Variants in ANTXR1 observed in about 807,000 individuals in gnomAD.
ANTXR1 encodes the protein anthrax toxin receptor 1.
ANTXR1 carries 19 observed loss-of-function variants against 78.1 expected under a neutral mutation model. The observed-to-expected ratio is 0.24, with a 90% CI of 0.17 to 0.36. The LOEUF (loss-of-function observed/expected upper bound fraction) is 0.36, where lower values mean the gene tolerates loss of function less well. Ranked by LOEUF, ANTXR1 falls within the 10% of genes least tolerant of loss-of-function variation. ANTXR1 has a pLI of 1.00. For synonymous variants in ANTXR1, 273 were observed against 260.5 expected, an observed-to-expected ratio of 1.05 and a Z score of -0.46; for missense variants, 518 against 718.6, an observed-to-expected ratio of 0.72 and a Z score of 3.19.
intron 14 of ANTXR1, among the ~76,000 whole-genome samples, chr2:69,176,077 A>AC (rs946218046): frequency 1.3e-4 from 19 of 147,322 alleles, no homozygotes; most frequent in African/African-American, 3.8e-4. Context: ...ATACACAGAC[A>AC]CCCCCCCACA....
chr2:69,243,210 C>G (rs1446969937), intron 17 of ANTXR1, among the ~76,000 whole-genome samples: 4 of 152,158 alleles, frequency 2.6e-5, no homozygotes, highest in Non-Finnish European at 5.9e-5. Flanking sequence ...GGTTTCCCAC[C>G]CCCTACTTTT....
intron 12 of ANTXR1, among the ~76,000 whole-genome samples, chr2:69,142,143 C>T (rs572714230): frequency 1.3e-5 from 2 of 152,180 alleles, no homozygotes; most frequent in Non-Finnish European, 2.9e-5. Flanking sequence ...CTTTTCCTGC[C>T]TCCAAAGCCC....
At chr2:69,054,803 A>G (rs374047006) in intron 3 of ANTXR1, among the ~76,000 whole-genome samples, 1 of 152,308 alleles carries the variant, frequency 6.6e-6, no homozygotes, top group African/African-American at 2.4e-5. Context: ...GAGTCTTAAG[A>G]TATTTAGTGC....
chr2:69,124,714 ATCT>A, intron 12 of ANTXR1, 71 bp downstream of exon 12: 1 of 1,550,874 alleles, frequency 6.4e-7, no homozygotes, highest in South Asian at 1.1e-5. Flanking sequence ...TTAAGCAGTA[ATCT>A]TCTCCAAAGG....
At chr2:69,048,336 T>C (rs1327720818) in intron 3 of ANTXR1, among the ~76,000 whole-genome samples, 2 of 152,212 alleles carry the variant, frequency 1.3e-5, no homozygotes, top group African/African-American at 4.8e-5. Flanking sequence ...TGGATCATTC[T>C]AGTATTTCTG....
At chr2:69,097,569 T>C (rs1467399396) in intron 9 of ANTXR1, among the ~76,000 whole-genome samples, 1 of 152,266 alleles carries the variant, frequency 6.6e-6, no homozygotes, top group Admixed American at 6.5e-5. Context: ...AATGGATTGC[T>C]TCATTCTCTG....
At chr2:69,214,466 A>T (rs1408379464) in intron 17 of ANTXR1, among the ~76,000 whole-genome samples, 2 of 152,176 alleles carry the variant, frequency 1.3e-5, no homozygotes, top group African/African-American at 4.8e-5. Context: ...CCACCCTCAA[A>T]AACAAACTCC....
chr2:69,116,102 C>CT (rs753925719), intron 10 of ANTXR1, among the ~76,000 whole-genome samples: 1 of 152,230 alleles, frequency 6.6e-6, no homozygotes, highest in Non-Finnish European at 1.5e-5. Context: ...TTCAAAATCT[C>CT]TTTTTCTAGA....
chr2:69,235,256 C>T (rs944066218), intron 17 of ANTXR1, among the ~76,000 whole-genome samples: 13 of 152,032 alleles, frequency 8.6e-5, no homozygotes, highest in African/African-American at 2.7e-4. Flanking sequence ...CTCCCGACTT[C>T]AGGTAATCTG....
chr2:69,236,345 T>C (rs1675764332), intron 17 of ANTXR1, among the ~76,000 whole-genome samples: 1 of 152,184 alleles, frequency 6.6e-6, no homozygotes, highest in South Asian at 2.1e-4. Context: ...TATATATGTA[T>C]ATGTATACAC....
chr2:69,075,205 C>A (rs1299625831), intron 6 of ANTXR1, among the ~76,000 whole-genome samples: 2 of 152,104 alleles, frequency 1.3e-5, no homozygotes, highest in African/African-American at 4.8e-5. Flanking sequence ...ATATCAAGTT[C>A]CAAAGGCCCC....
In ANTXR1 at chr2:69,245,784, G is replaced by T; in HGVS notation, c.*299G>T. 3.0e-6 allele frequency: 1 copy of T among 338,130 alleles called. No homozygotes were observed. The highest frequency in any genetic ancestry group is 5.4e-6 in the Non-Finnish European group (1 of 185,856). 20.9% of individuals were successfully genotyped at this position (338,130 alleles called of 1,614,324 possible). On this transcript the variant is annotated 3_prime_UTR_variant, in exon 18 of 18. Transcript: ENST00000303714. ...GCTCTCAACAGGATTATGTCTCATG[G>T]AGACCAGTAAGAAAATCATTTATCT...
intron 3 of ANTXR1, among the ~76,000 whole-genome samples, chr2:69,052,809 T>A (rs920404747): frequency 1.3e-5 from 2 of 152,168 alleles, no homozygotes; most frequent in African/African-American, 4.8e-5. Flanking sequence ...TCTGAGAGAA[T>A]GTTTCATTCA....
chr2:69,119,447 C>T (rs1182675682), intron 10 of ANTXR1, among the ~76,000 whole-genome samples: 2 of 152,150 alleles, frequency 1.3e-5, no homozygotes. Flanking sequence ...GCCATGGCCA[C>T]GAGGAAATAA....
intron 17 of ANTXR1, among the ~76,000 whole-genome samples, chr2:69,199,545 T>C (rs1372144076): frequency 6.6e-6 from 1 of 152,230 alleles, no homozygotes; most frequent in Non-Finnish European, 1.5e-5. Context: ...ATTCTGTTCC[T>C]AGATTACTAA....
chr2:69,040,688 A>G (rs75517149), intron 2 of ANTXR1, among the ~76,000 whole-genome samples: 6,151 of 152,298 alleles, frequency 0.04, 378 homozygotes, highest in African/African-American at 0.14. Context: ...GTCACTGCAA[A>G]TATCATGGGA....
chr2:69,032,068 C>A (rs1314094999), intron 1 of ANTXR1, among the ~76,000 whole-genome samples: 3 of 152,086 alleles, frequency 2.0e-5, no homozygotes, highest in Non-Finnish European at 4.4e-5. Context: ...AAAGTAGAAG[C>A]AACTCAATGT....
chr2:69,219,216 G>C (rs1675253194), intron 17 of ANTXR1, among the ~76,000 whole-genome samples: 5 of 152,250 alleles, frequency 3.3e-5, no homozygotes, highest in Admixed American at 3.3e-4. Context: ...GGTTGATTTA[G>C]AGCATGCACA....
At chr2:69,098,231 T>C (rs975224753) in intron 9 of ANTXR1, among the ~76,000 whole-genome samples, 1 of 152,222 alleles carries the variant, frequency 6.6e-6, no homozygotes, top group African/African-American at 2.4e-5. Context: ...GTGCAAGTTA[T>C]TGTATATCAA....
Sources: gnomAD v4.1 joint callset for allele counts (sites outside exome capture counted in the v4.1 genomes callset) on GRCh38, gnomAD v4.1.1 for gene constraint, MANE v1.5 for transcripts, NCBI Gene and HGNC (gene_info 2026-07-23, HGNC 2026-07-21) for gene names.